Variants in NEGR1 observed in about 807,000 individuals in gnomAD.
The protein encoded by NEGR1 is IgLON family member 4.
A neutral mutation model predicts 40.9 loss-of-function variants in NEGR1; 10 were observed. The ratio of observed to expected loss-of-function variants is 0.24; its 90% CI spans 0.15 to 0.42. The LOEUF (loss-of-function observed/expected upper bound fraction) is 0.42, where lower values mean the gene tolerates loss of function less well. Among genes scored for constraint, NEGR1 ranks in the 10% least tolerant of loss-of-function variants. The probability of loss-of-function intolerance (pLI) is 1.00; values close to 1 mark genes in which losing one functional copy is unlikely to be tolerated. For synonymous variants in NEGR1, 185 were observed against 166.8 expected (o/e 1.11, Z -0.84); for missense variants, 352 against 438.9 (o/e 0.80, Z 1.77).
intron 1 of NEGR1, among the ~76,000 whole-genome samples, chr1:71,969,425 T>C (rs1241102971): frequency 6.6e-6 from 1 of 152,232 alleles, no homozygotes; most frequent in African/African-American, 2.4e-5. Flanking sequence ...TCTGTCATCA[T>C]GTGAGTTTAG....
intron 4 of NEGR1, among the ~76,000 whole-genome samples, chr1:71,686,946 T>C (rs1460952557): frequency 2.6e-5 from 4 of 152,172 alleles, no homozygotes; most frequent in African/African-American, 7.2e-5. Flanking sequence ...ATGTAGCATT[T>C]CTGAACTTCA....
At chr1:72,186,696 A>C (rs1228204394) in intron 1 of NEGR1, among the ~76,000 whole-genome samples, 2 of 151,660 alleles carry the variant, frequency 1.3e-5, no homozygotes, top group Non-Finnish European at 3.0e-5. Context: ...CCCAATTCTC[A>C]ATGTATTAAT....
intron 4 of NEGR1, among the ~76,000 whole-genome samples, chr1:71,663,117 T>C (rs1451266041): frequency 6.6e-6 from 1 of 151,844 alleles, no homozygotes; most frequent in East Asian, 1.9e-4. Context: ...CCACCATGCC[T>C]GGCTAATTTT....
chr1:71,572,883 A>AC (rs142888031), intron 6 of NEGR1, among the ~76,000 whole-genome samples: 3,114 of 152,288 alleles, frequency 0.02, 106 homozygotes, highest in African/African-American at 0.071. Context: ...ATAAAGGGTG[A>AC]CCATTTAGAT....
At chr1:72,078,434 C>T (rs1220984489) in intron 1 of NEGR1, among the ~76,000 whole-genome samples, 1 of 151,928 alleles carries the variant, frequency 6.6e-6, no homozygotes, top group Non-Finnish European at 1.5e-5. Flanking sequence ...TAAATGTTCA[C>T]ACACACATAC....
At chr1:71,754,085 C>T (rs562565451) in intron 3 of NEGR1, among the ~76,000 whole-genome samples, 17 of 151,880 alleles carry the variant, frequency 1.1e-4, no homozygotes, top group African/African-American at 4.1e-4. Flanking sequence ...AGAGGAGACT[C>T]GAAGGTTTCC....
In NEGR1 at chr1:71,399,011, G is replaced by A. The variant is rs999922262; in HGVS notation, c.*8435C>T. 2.6e-5 allele frequency: 4 copies of A among 152,398 alleles called. No individual in the cohort carries two copies. Among genetic ancestry groups the A allele is most frequent in the African/African-American group, 7.2e-5 (3 of 41,414 alleles). 9.4% of individuals were successfully genotyped at this position (152,398 alleles called of 1,614,324 possible). A position where few individuals can be genotyped will look rare whatever the true frequency, so the allele number is the denominator to read the frequency against. ...CTTCCCCAGCCACATGGAACTGTAG[G>A]TCCAAAAAAACCTCTTTCTTTTGCA... On this transcript the variant is annotated 3_prime_UTR_variant, in exon 7 of 7. Coordinates refer to ENST00000357731, the MANE Select transcript of NEGR1 (RefSeq NM_173808.3).
chr1:72,205,339 A>T (rs1416546463), intron 1 of NEGR1, among the ~76,000 whole-genome samples: 12 of 151,776 alleles, frequency 7.9e-5, no homozygotes, highest in Admixed American at 7.9e-4. Flanking sequence ...GGGTTGACAC[A>T]GCAAGACTCT....
chr1:72,097,001 G>C (rs1437954349), intron 1 of NEGR1, among the ~76,000 whole-genome samples: 1 of 151,994 alleles, frequency 6.6e-6, no homozygotes, highest in African/African-American at 2.4e-5. Context: ...TCTTTTAAAA[G>C]TCCATGTAAC....
chr1:72,107,809 A>G (rs1351177407), intron 1 of NEGR1, among the ~76,000 whole-genome samples: 1 of 151,366 alleles, frequency 6.6e-6, no homozygotes, highest in Non-Finnish European at 1.5e-5. Context: ...ATATGCATAT[A>G]TATGTAAATG....
rs116077687 is a variant in NEGR1 at position 71,926,820 on chromosome 1, C to T, written c.409+8259G>A. Reference sequence around the variant, plus strand: ...AGTATTGTTCTAATATCAGACCTTACATTAGGCAATACATAAAACTTCATG... The same window carrying T: ...AGTATTGTTCTAATATCAGACCTTATATTAGGCAATACATAAAACTTCATG... On this transcript the variant is annotated intron_variant, in intron 2 of 6. Transcript: ENST00000357731. Among the ~76,000 whole-genome samples, 1,475 of 152,148 alleles carry T rather than the reference C, an allele frequency of 9.7e-3. 24 individuals are homozygous for T. The highest frequency in any genetic ancestry group is 0.034 in the African/African-American group (1,407 of 41,504).
chr1:71,637,998 C>T (rs556125287), intron 4 of NEGR1, among the ~76,000 whole-genome samples: 2 of 151,942 alleles, frequency 1.3e-5, no homozygotes, highest in Non-Finnish European at 2.9e-5. Flanking sequence ...TTATTTTTAT[C>T]ATTTAGATGA....
chr1:72,102,354 C>G lies in NEGR1; in HGVS notation c.177-167043G>C, dbSNP rs934194096. Among the ~76,000 whole-genome samples the G allele has an allele frequency of 9.2e-5, 14 of 151,918 alleles. No individual in the cohort carries two copies. In the East Asian group the frequency reaches 2.7e-3, roughly 29 times the overall value. On this transcript the variant is annotated intron_variant, in intron 1 of 6. Coordinates refer to ENST00000357731, the MANE Select transcript of NEGR1 (RefSeq NM_173808.3). The stretch of plus-strand genomic sequence containing the variant: ...AGCTCCATGGTCTTTATAAGTGTGA[C>G]CTTCAACATTAAAATGCTACATTAA...
At chr1:72,203,095 T>G (rs534912466) in intron 1 of NEGR1, among the ~76,000 whole-genome samples, 35 of 152,206 alleles carry the variant, frequency 2.3e-4, no homozygotes, top group African/African-American at 8.2e-4. Flanking sequence ...CCACTCTGCA[T>G]CCCATAGATG....
chr1:71,831,651 C>T (rs1023170710), intron 2 of NEGR1, among the ~76,000 whole-genome samples: 1 of 151,874 alleles, frequency 6.6e-6, no homozygotes, highest in Non-Finnish European at 1.5e-5. Context: ...GCAATAGTTG[C>T]TGTGACATAC....
chr1:72,161,780 G>A (rs1036207609), intron 1 of NEGR1, among the ~76,000 whole-genome samples: 1 of 143,684 alleles, frequency 7.0e-6, no homozygotes, highest in Non-Finnish European at 1.5e-5. Context: ...CTGGGTTCAA[G>A]CGATCCTCCT....
In NEGR1 at chr1:71,396,109, G is replaced by A. The variant is rs528124509; in HGVS notation, c.*11337C>T. On this transcript the variant is annotated 3_prime_UTR_variant, in exon 7 of 7. Transcript: ENST00000357731. The stretch of plus-strand genomic sequence containing the variant: ...GACACACACAAAAGAGCCTTTCTTA[G>A]GAGAAAATATACATTAATCTCTTTC... The A allele has an allele frequency of 6.6e-6, 1 of 152,018 alleles. No homozygotes were observed. Among genetic ancestry groups the A allele is most frequent in the East Asian group, 1.9e-4 (1 of 5,172 alleles). 9.4% of individuals were successfully genotyped at this position (152,018 alleles called of 1,614,324 possible).
intron 4 of NEGR1, among the ~76,000 whole-genome samples, chr1:71,612,821 G>A (rs1477156768): frequency 6.6e-6 from 1 of 152,182 alleles, no homozygotes; most frequent in African/African-American, 2.4e-5. Context: ...TGAGGCTGAA[G>A]CTAGCCAAGT....
intron 2 of NEGR1, among the ~76,000 whole-genome samples, chr1:71,835,258 G>A (rs545341194): frequency 1.1e-4 from 17 of 152,124 alleles, no homozygotes; most frequent in African/African-American, 4.1e-4. Flanking sequence ...ACGTTCTATT[G>A]GTGAAAGCAA....
Sources: allele counts gnomAD v4.1 joint callset (sites outside exome capture counted in the v4.1 genomes callset), GRCh38; gene constraint gnomAD v4.1.1; transcripts MANE v1.5; gene names NCBI Gene and HGNC (gene_info 2026-07-23, HGNC 2026-07-21).